Variants in CCDC60 observed in about 807,000 individuals in gnomAD.
The protein encoded by CCDC60 is coiled-coil domain-containing protein 60.
In CCDC60, 54 loss-of-function variants were observed where a neutral mutation model predicts 63.5. The observed-to-expected ratio is 0.85, with a 90% CI of 0.68 to 1.07. The LOEUF is 1.07. Ranked by LOEUF, CCDC60 falls within the 50% of genes least tolerant of loss-of-function variation. CCDC60 has a pLI of 0.00. For missense variants in CCDC60, 651 were observed against 684.3 expected, an observed-to-expected ratio of 0.95 and a Z score of 0.54; for synonymous variants, 206 against 238.8, an observed-to-expected ratio of 0.86 and a Z score of 1.27.
intron 1 of CCDC60, among the ~76,000 whole-genome samples, chr12:119,391,624 G>T (rs1260026670): frequency 1.3e-5 from 2 of 152,240 alleles, no homozygotes; most frequent in Non-Finnish European, 2.9e-5. Context: ...TGTGCATGCT[G>T]CAGAGTAATG....
At chr12:119,364,019 C>T (rs769592256) in intron 1 of CCDC60, among the ~76,000 whole-genome samples, 12 of 152,202 alleles carry the variant, frequency 7.9e-5, no homozygotes, top group South Asian at 2.1e-4. Flanking sequence ...CCAGTGCCTT[C>T]GAAAATACGA....
intron 1 of CCDC60, among the ~76,000 whole-genome samples, chr12:119,360,618 G>A (rs1052665470): frequency 2.0e-5 from 3 of 152,028 alleles, no homozygotes; most frequent in East Asian, 1.9e-4. Context: ...CAAACAGGGC[G>A]GCGGGGCAGA....
At chr12:119,505,493 G>C (rs558633919) in intron 7 of CCDC60, among the ~76,000 whole-genome samples, 190 bp downstream of exon 7, 6 of 152,286 alleles carry the variant, frequency 3.9e-5, no homozygotes, top group Non-Finnish European at 7.3e-5. Flanking sequence ...CATAACTTGG[G>C]TTGCCCCAAG....
At chr12:119,511,930 G>T (rs182335956) in intron 7 of CCDC60, among the ~76,000 whole-genome samples, 2 of 152,242 alleles carry the variant, frequency 1.3e-5, no homozygotes, top group East Asian at 3.9e-4. Context: ...AGGATCTGTG[G>T]CTCTAGGGAA....
intron 4 of CCDC60, among the ~76,000 whole-genome samples, chr12:119,486,061 C>T (rs1445099124): frequency 1.3e-5 from 2 of 152,208 alleles, no homozygotes; most frequent in Non-Finnish European, 2.9e-5. Context: ...CTCCCCCGGC[C>T]TCTCACAACC....
chr12:119,402,819 G>A (rs193224988), intron 1 of CCDC60, among the ~76,000 whole-genome samples: 1 of 152,224 alleles, frequency 6.6e-6, no homozygotes, highest in Non-Finnish European at 1.5e-5. Flanking sequence ...AACTCTCCAG[G>A]GGTGTAGTTT....
At chr12:119,522,827 C>T in intron 9 of CCDC60, 112 bp from the exon 10 acceptor site, 1 of 918,126 alleles carries the variant, frequency 1.1e-6, no homozygotes, top group Non-Finnish European at 1.8e-6. Flanking sequence ...TTGATTAGAA[C>T]CACCTCCCAT....
chr12:119,361,392 G>A (rs1592991319), intron 1 of CCDC60, among the ~76,000 whole-genome samples: 1 of 152,080 alleles, frequency 6.6e-6, no homozygotes, highest in African/African-American at 2.4e-5. Flanking sequence ...TCAAGAATCT[G>A]CCTATATTCA....
At chr12:119,443,925 T>A (rs1204077266) in intron 2 of CCDC60, among the ~76,000 whole-genome samples, 3 of 152,184 alleles carry the variant, frequency 2.0e-5, no homozygotes, top group Admixed American at 6.5e-5. Flanking sequence ...AACATGCACA[T>A]ACCTGGCACA....
intron 1 of CCDC60, among the ~76,000 whole-genome samples, chr12:119,417,029 G>A (rs1185463437): frequency 1.3e-5 from 2 of 152,132 alleles, no homozygotes; most frequent in Non-Finnish European, 2.9e-5. Flanking sequence ...GCTGAGGCAG[G>A]AGAATTGCTT....
intron 2 of CCDC60, among the ~76,000 whole-genome samples, chr12:119,470,831 A>G (rs951938311): frequency 6.6e-6 from 1 of 152,034 alleles, no homozygotes. Context: ...GACATCATGT[A>G]TCTCTCTCTC....
chr12:119,531,784 T>TA (rs200511334), intron 13 of CCDC60, among the ~76,000 whole-genome samples: 1 of 152,202 alleles, frequency 6.6e-6, no homozygotes, highest in African/African-American at 2.4e-5. Flanking sequence ...TAGGAGCCAC[T>TA]AAACAGTTTT....
chr12:119,382,414 G>T (rs1278187484), intron 1 of CCDC60, among the ~76,000 whole-genome samples: 1 of 152,186 alleles, frequency 6.6e-6, no homozygotes, highest in African/African-American at 2.4e-5. Flanking sequence ...ATCCCAATAA[G>T]TCCTGACACA....
intron 6 of CCDC60, 127 bp from the exon 7 acceptor site, chr12:119,504,942 C>T (rs1243408990): frequency 3.1e-6 from 2 of 641,056 alleles, no homozygotes; most frequent in African/African-American, 1.8e-5. Flanking sequence ...AGAAGGAATT[C>T]ACAGTCAGAC....
rs36071467 is a variant in CCDC60 at position 119,430,173 on chromosome 12, T to TAC, written c.170+1439_170+1440dup. Among the ~76,000 whole-genome samples the TAC allele has an allele frequency of 7.3e-3, 1,093 of 149,822 alleles. 13 individuals are homozygous for TAC. The highest frequency in any genetic ancestry group is 0.012 in the Non-Finnish European group (789 of 67,422). The stretch of plus-strand genomic sequence containing the variant: ...GACTAAATTGTGCCCCTGCCACACA[T>TAC]ACACACACACACACACACACACACA... On this transcript the variant is annotated intron_variant, in intron 2 of 13. Coordinates refer to ENST00000327554, the MANE Select transcript of CCDC60 (RefSeq NM_178499.5).
At chr12:119,353,497 T>A (rs533349358) in intron 1 of CCDC60, among the ~76,000 whole-genome samples, 2 of 151,278 alleles carry the variant, frequency 1.3e-5, no homozygotes, top group Non-Finnish European at 1.5e-5. Flanking sequence ...TCTCTGTCTC[T>A]CTGTCTCTCT....
At chr12:119,489,804 T>G (rs1370492564) in intron 5 of CCDC60, among the ~76,000 whole-genome samples, 1 of 150,318 alleles carries the variant, frequency 6.7e-6, no homozygotes, top group Non-Finnish European at 1.5e-5. Context: ...AAAACCTGAG[T>G]CTTTTTTTTT....
intron 7 of CCDC60, among the ~76,000 whole-genome samples, chr12:119,510,572 C>T (rs1006606134): frequency 1.3e-5 from 2 of 152,024 alleles, no homozygotes; most frequent in Admixed American, 1.3e-4. Flanking sequence ...TCTCATGGCT[C>T]AGTACAGAGA....
At chr12:119,427,531 T>G (rs893385004) in intron 1 of CCDC60, among the ~76,000 whole-genome samples, 10 of 152,224 alleles carry the variant, frequency 6.6e-5, no homozygotes, top group African/African-American at 2.4e-4. Flanking sequence ...GTGAACAGTT[T>G]TGTTGATGAA....
Sources: allele counts gnomAD v4.1 joint callset (sites outside exome capture counted in the v4.1 genomes callset), GRCh38; gene constraint gnomAD v4.1.1; transcripts MANE v1.5; gene names NCBI Gene and HGNC (gene_info 2026-07-23, HGNC 2026-07-21).